GPC5: variants seen among roughly 807,000 people sequenced by gnomAD.
The protein encoded by GPC5 is glypican 5, also known as glypican-5.
In GPC5, 47 loss-of-function variants were observed where a neutral mutation model predicts 53.9. The ratio of observed to expected loss-of-function variants is 0.87; its 90% CI spans 0.69 to 1.11. The LOEUF is 1.11. GPC5 is among the 50% of genes most tolerant of loss of function. The probability of loss-of-function intolerance (pLI) is 0.00; values close to 1 mark genes in which losing one functional copy is unlikely to be tolerated. For synonymous variants in GPC5, 286 were observed against 263.3 expected (o/e 1.09, Z -0.84); for missense variants, 748 against 713.1 (o/e 1.05, Z -0.56).
intron 3 of GPC5, among the ~76,000 whole-genome samples, chr13:91,707,039 G>C (rs549472206): frequency 6.6e-6 from 1 of 152,132 alleles, no homozygotes; most frequent in African/African-American, 2.4e-5. Context: ...GGAATTACTG[G>C]ATACATTTGC....
chr13:92,375,589 C>A (rs1254960611), intron 7 of GPC5, among the ~76,000 whole-genome samples: 1 of 152,088 alleles, frequency 6.6e-6, no homozygotes, highest in African/African-American at 2.4e-5. Flanking sequence ...AGAAACAGGC[C>A]TGTATATGAT....
chr13:91,588,924 G>A (rs2032697050), intron 2 of GPC5, among the ~76,000 whole-genome samples: 1 of 152,120 alleles, frequency 6.6e-6, no homozygotes, highest in South Asian at 2.1e-4. Flanking sequence ...TCTGCATACT[G>A]TATGGATTTT....
chr13:91,589,381 C>G (rs1387183015), intron 2 of GPC5, among the ~76,000 whole-genome samples: 1 of 151,962 alleles, frequency 6.6e-6, no homozygotes, highest in African/African-American at 2.4e-5. Context: ...TCTAGATCAT[C>G]TATCTGCAAC....
chr13:92,585,460 C>T (rs1282417999), intron 7 of GPC5, among the ~76,000 whole-genome samples: 1 of 152,194 alleles, frequency 6.6e-6, no homozygotes, highest in African/African-American at 2.4e-5. Context: ...TTATCCAGTG[C>T]TTGTACCCAC....
chr13:92,144,051 G>T (rs1438523354), intron 6 of GPC5, among the ~76,000 whole-genome samples: 2 of 151,994 alleles, frequency 1.3e-5, no homozygotes, highest in Non-Finnish European at 2.9e-5. Flanking sequence ...TCTTAATCAG[G>T]CTTAGTTTTA....
chr13:92,285,694 A>G (rs1234093565), intron 7 of GPC5, among the ~76,000 whole-genome samples: 1 of 152,224 alleles, frequency 6.6e-6, no homozygotes, highest in Non-Finnish European at 1.5e-5. Flanking sequence ...CCATATGTGG[A>G]AAGCTGAAAC....
chr13:92,223,348 A>G (rs777391585), intron 7 of GPC5, among the ~76,000 whole-genome samples: 6 of 152,184 alleles, frequency 3.9e-5, no homozygotes, highest in Admixed American at 6.5e-5. Context: ...AATTTGATTT[A>G]ACATCGGGTT....
chr13:91,889,528 C>T (rs1226178706), intron 5 of GPC5, among the ~76,000 whole-genome samples: 1 of 151,526 alleles, frequency 6.6e-6, no homozygotes, highest in African/African-American at 2.4e-5. Flanking sequence ...AGATGCTGTT[C>T]AAAATTGGGC....
At chr13:91,683,083 G>A (rs936089947) in intron 2 of GPC5, among the ~76,000 whole-genome samples, 8 of 151,920 alleles carry the variant, frequency 5.3e-5, no homozygotes, top group South Asian at 2.1e-4. Flanking sequence ...GGAGGATCGC[G>A]AGATGGGGTG....
intron 7 of GPC5, among the ~76,000 whole-genome samples, chr13:92,416,626 A>G (rs1050065240): frequency 7.2e-5 from 11 of 152,332 alleles, no homozygotes; most frequent in Non-Finnish European, 1.6e-4. Context: ...CTTTTAGAAA[A>G]AATGTAGGAA....
At chr13:91,493,887 TTA>T (rs145967581) in intron 2 of GPC5, among the ~76,000 whole-genome samples, 13,289 of 151,738 alleles carry the variant, frequency 0.088, 675 homozygotes, top group African/African-American at 0.14. Context: ...CTATTTTTTT[TTA>T]TTTAAGACAG....
intron 7 of GPC5, among the ~76,000 whole-genome samples, chr13:92,482,625 A>G (rs1185822782): frequency 6.6e-6 from 1 of 152,146 alleles, no homozygotes; most frequent in Non-Finnish European, 1.5e-5. Context: ...TTATGCACCA[A>G]TTTGAATGAA....
At chr13:92,751,326 A>AAAAAAAAAAAC (rs1566400610) in intron 7 of GPC5, among the ~76,000 whole-genome samples, 1 of 147,512 alleles carries the variant, frequency 6.8e-6, no homozygotes. Flanking sequence ...AAAAAAAAAA[A>AAAAAAAAAAAC]AAAAAAAAAC....
At chr13:92,479,738 A>G (rs1199644022) in intron 7 of GPC5, among the ~76,000 whole-genome samples, 1 of 152,204 alleles carries the variant, frequency 6.6e-6, no homozygotes, top group African/African-American at 2.4e-5. Flanking sequence ...GATGCCAGGC[A>G]GGGGGCTCTA....
intron 5 of GPC5, among the ~76,000 whole-genome samples, chr13:91,897,739 C>T (rs1056106822): frequency 6.6e-6 from 1 of 152,096 alleles, no homozygotes; most frequent in African/African-American, 2.4e-5. Flanking sequence ...TATTAGAAAA[C>T]ATTTAATTAA....
chr13:92,581,396 G>T (rs2139053797), intron 7 of GPC5, among the ~76,000 whole-genome samples: 1 of 152,158 alleles, frequency 6.6e-6, no homozygotes, highest in African/African-American at 2.4e-5. Context: ...CAAATGACAA[G>T]ATTTCCTTCA....
chr13:92,106,169 AGAT>A (rs913960265), intron 6 of GPC5, among the ~76,000 whole-genome samples: 3 of 152,006 alleles, frequency 2.0e-5, no homozygotes. Flanking sequence ...TAAATTTAGA[AGAT>A]AATGATAATT....
intron 7 of GPC5, among the ~76,000 whole-genome samples, chr13:92,547,340 A>G (rs1882154443): frequency 1.3e-5 from 2 of 152,216 alleles, no homozygotes; most frequent in African/African-American, 4.8e-5. Context: ...ACTGCAAAGA[A>G]AGACTTTATC....
intron 7 of GPC5, among the ~76,000 whole-genome samples, chr13:92,795,215 C>T (rs757670847): frequency 1.9e-4 from 29 of 152,004 alleles, no homozygotes; most frequent in Admixed American, 3.9e-4. Flanking sequence ...GGACAGAGGC[C>T]GCATAAATAA....
Sources: allele counts gnomAD v4.1 joint callset (sites outside exome capture counted in the v4.1 genomes callset), GRCh38; gene constraint gnomAD v4.1.1; transcripts MANE v1.5; gene names NCBI Gene and HGNC (gene_info 2026-07-23, HGNC 2026-07-21).